NCAN: variants seen among roughly 807,000 people sequenced by gnomAD.
The protein encoded by NCAN is neurocan.
Under a neutral mutation model 121.8 loss-of-function variants are expected in NCAN, and 47 were observed. That is an observed-to-expected ratio of 0.39 (90% CI 0.31 to 0.49). The LOEUF (loss-of-function observed/expected upper bound fraction) is 0.49, where lower values mean the gene tolerates loss of function less well. Ranked by LOEUF, NCAN falls within the 20% of genes least tolerant of loss-of-function variation. The pLI is 0.92. For synonymous variants in NCAN, 633 were observed against 702.0 expected (o/e 0.90, Z 1.55); for missense variants, 1,517 against 1,773.4 (o/e 0.86, Z 2.60).
chr19:19,218,169 T>A (rs2060802805), intron 2 of NCAN, among the ~76,000 whole-genome samples: 1 of 151,704 alleles, frequency 6.6e-6, no homozygotes, highest in African/African-American at 2.4e-5. Flanking sequence ...TCCCAGCTAC[T>A]GGGGAGGCTG....
At chr19:19,221,365 C>T (rs148781336) in intron 3 of NCAN, among the ~76,000 whole-genome samples, 27 of 151,622 alleles carry the variant, frequency 1.8e-4, no homozygotes, top group African/African-American at 6.3e-4. Flanking sequence ...GTCAGGAGTT[C>T]GAGACCAGCC....
chr19:19,235,199 C>A, intron 10 of NCAN, 103 bp downstream of exon 10: 1 of 631,094 alleles, frequency 1.6e-6, no homozygotes, highest in Non-Finnish European at 2.9e-6. Flanking sequence ...AGTTCCATGG[C>A]TGTGAGCCTG....
intron 8 of NCAN, among the ~76,000 whole-genome samples, chr19:19,233,293 G>C (rs2060867799): frequency 6.6e-6 from 1 of 151,718 alleles, no homozygotes; most frequent in Non-Finnish European, 1.5e-5. Flanking sequence ...GGAATGGTCA[G>C]ATGCTGCCCT....
chr19:19,227,409 C>G lies in NCAN; in HGVS notation c.1789C>G (p.Pro597Ala). 1 of 1,613,692 alleles carries G rather than the reference C, an allele frequency of 6.2e-7. No homozygotes were observed. The highest frequency in any genetic ancestry group is 8.5e-7 in the Non-Finnish European group (1 of 1,179,936). The change falls in exon 8 of 15, where the codon CCA becomes GCA. Residue 597 changes from proline to alanine, a missense_variant. By Grantham distance (27) the Pro-to-Ala change is conservative. Transcript: ENST00000252575. This position sits in a 1 kb window ranked among gnomAD's most constrained non-coding sequence, Gnocchi z 4.2. ...GAAAGCCGAGGGCCCCAGTGCCAGG[C>G]CAGCCACCCCAGACCTGTTTTGGTC... ...LEKAEGPSAR[P>A]ATPDLFWSPL...
At chr19:19,232,450 C>T (rs958659155) in intron 8 of NCAN, among the ~76,000 whole-genome samples, 3 of 152,256 alleles carry the variant, frequency 2.0e-5, no homozygotes, top group African/African-American at 7.2e-5. Flanking sequence ...GCAGGGCCGT[C>T]GTCCAGCCAC....
Position 19,212,069 on chromosome 19 carries a change from G to C in NCAN, c.-8+5G>C. On this transcript the variant is annotated splice_donor_5th_base_variant and intron_variant, in intron 1 of 14. Transcript: ENST00000252575. This position sits in a 1 kb window ranked among gnomAD's most constrained non-coding sequence, Gnocchi z 4.5. ...TGCGTCCGAGCTAGGAGCCAGGTGG[G>C]GGATCCGTGAGGGGGCCGTGTTGCG... The C allele has an allele frequency of 4.9e-6, 1 of 204,660 alleles. No homozygotes were observed. The highest frequency in any genetic ancestry group is 4.7e-5 in the South Asian group (1 of 21,222). 12.7% of individuals were successfully genotyped at this position (204,660 alleles called of 1,614,324 possible).
intron 11 of NCAN, chr19:19,238,649 A>G (rs1235752113): frequency 3.6e-6 from 2 of 557,586 alleles, no homozygotes; most frequent in Non-Finnish European, 6.5e-6. Context: ...CACCTGCTAT[A>G]TGCCAGGCAC....
At chr19:19,244,309 C>CTTTT (rs532412223) in intron 12 of NCAN, among the ~76,000 whole-genome samples, 10,019 of 127,434 alleles carry the variant, frequency 0.079, 855 homozygotes, top group East Asian at 0.27. Context: ...CCCTTACTAT[C>CTTTT]TTTTTTTTTT....
intron 3 of NCAN, among the ~76,000 whole-genome samples, chr19:19,221,328 A>G (rs534733461): frequency 1.1e-4 from 16 of 151,986 alleles, no homozygotes; most frequent in African/African-American, 3.4e-4. Context: ...TCATGAGGTC[A>G]GGAGTTCGAG....
intron 10 of NCAN, among the ~76,000 whole-genome samples, chr19:19,236,078 T>C (rs1427031031): frequency 1.3e-5 from 2 of 152,216 alleles, no homozygotes; most frequent in African/African-American, 4.8e-5. Context: ...AGTGGCATTC[T>C]GTACAATCAC....
Position 19,226,986 on chromosome 19 carries a change from G to C in NCAN, c.1573G>C (p.Ala525Pro). The C allele has an allele frequency of 6.5e-7, 1 of 1,536,208 alleles. No homozygotes were observed. Among genetic ancestry groups the C allele is most frequent in the Non-Finnish European group, 8.8e-7 (1 of 1,142,500 alleles). ...AAVNQMEPPL[A>P]MAVTEMLGSG... ...AGTGAACCAAATGGAGCCTCCGTTG[G>C]CCATGGCAGTCACAGAGATGTTGGG... is the stretch of plus-strand genomic sequence containing the variant. Residue 525 changes from alanine to proline, a missense_variant, in exon 7 of 15, where the codon GCC becomes CCC. Ala to Pro is a conservative substitution (Grantham distance 27). Transcript: ENST00000252575.
chr19:19,235,993 C>T (rs2060879873), intron 10 of NCAN, among the ~76,000 whole-genome samples: 1 of 152,142 alleles, frequency 6.6e-6, no homozygotes, highest in Non-Finnish European at 1.5e-5. Context: ...GCAATCTGTC[C>T]ACATCAGCCT....
intron 10 of NCAN, among the ~76,000 whole-genome samples, chr19:19,236,514 C>T (rs1403372451): frequency 6.6e-6 from 1 of 152,084 alleles, no homozygotes; most frequent in Non-Finnish European, 1.5e-5. Flanking sequence ...TAACTATTTG[C>T]CATTCTTTTT....
chr19:19,213,427 G>T (rs962121547), intron 1 of NCAN, among the ~76,000 whole-genome samples: 1 of 149,496 alleles, frequency 6.7e-6, no homozygotes, highest in Non-Finnish European at 1.5e-5. Flanking sequence ...TATCCATCTC[G>T]GTTTGTGCCA....
Position 19,226,592 on chromosome 19 carries a change from C to T in NCAN, c.1179C>T (p.Thr393=), listed in dbSNP as rs778786403. ...CCCCAGTTAGAGAACTGGAGCCCACCCTGGAGGAGGAAGAGGTGGTCACCC... is the reference window on the plus strand; with the variant it reads ...CCCCAGTTAGAGAACTGGAGCCCACTCTGGAGGAGGAAGAGGTGGTCACCC... The part of the protein sequence containing the change: ...EGPPVRELEP[T]LEEEEVVTPD... Residue 393 remains threonine (T), a synonymous_variant, in exon 7 of 15, where the codon ACC becomes ACT. Transcript: ENST00000252575. 3 of 1,613,860 alleles carry T rather than the reference C, an allele frequency of 1.9e-6. No homozygotes were observed. The highest frequency in any genetic ancestry group is 1.1e-5 in the South Asian group (1 of 91,078).
chr19:19,238,463 ACTTGTAGCC>A, intron 11 of NCAN, 52 bp downstream of exon 11: 1 of 1,608,452 alleles, frequency 6.2e-7, no homozygotes, highest in Non-Finnish European at 8.5e-7. Context: ...CAGGGGTGGC[ACTTGTAGCC>A]CTTTTGCCAG....
intron 2 of NCAN, 91 bp from the exon 3 acceptor site, chr19:19,218,824 C>CT: frequency 7.6e-7 from 1 of 1,323,434 alleles, no homozygotes; most frequent in East Asian, 2.8e-5. Flanking sequence ...TGGCTCAGCC[C>CT]TTTTAAAAAA....
chr19:19,234,931 C>T, intron 9 of NCAN, 52 bp from the exon 10 acceptor site: 1 of 1,253,116 alleles, frequency 8.0e-7, no homozygotes, highest in South Asian at 1.3e-5. Flanking sequence ...TGTGGGGGCT[C>T]AGAGCCAAGG....
intron 3 of NCAN, among the ~76,000 whole-genome samples, chr19:19,222,396 A>G (rs2060819939): frequency 6.6e-6 from 1 of 152,154 alleles, no homozygotes; most frequent in Admixed American, 6.6e-5. Flanking sequence ...CTCCTGCTTC[A>G]GCCTCTGGAG....
Sources: allele counts gnomAD v4.1 joint callset (sites outside exome capture counted in the v4.1 genomes callset), GRCh38; gene constraint gnomAD v4.1.1; non-coding constraint Gnocchi (gnomAD v3.1); transcripts MANE v1.5; gene names NCBI Gene and HGNC (gene_info 2026-07-23, HGNC 2026-07-21).